SLC9A4: variants seen among roughly 807,000 people sequenced by gnomAD.
The protein encoded by SLC9A4 is solute carrier family 9 member A4.
In SLC9A4, 63 loss-of-function variants were observed where a neutral mutation model predicts 67.4. The ratio of observed to expected loss-of-function variants is 0.93; its 90% CI spans 0.76 to 1.15. SLC9A4 has a LOEUF of 1.15. Among genes scored for constraint, SLC9A4 ranks in the 50% most tolerant of loss-of-function variants. The pLI is 0.00. For missense variants in SLC9A4, 1,089 were observed against 987.7 expected (o/e 1.10, Z -1.38); for synonymous variants, 393 against 367.2 (o/e 1.07, Z -0.80).
intron 2 of SLC9A4, among the ~76,000 whole-genome samples, chr2:102,499,691 C>T (rs6543156): frequency 0.061 from 9,303 of 152,216 alleles, 892 homozygotes; most frequent in African/African-American, 0.2. Context: ...AGAAAATACA[C>T]TAGAAACTTA....
At chr2:102,479,459 C>T (rs985728555) in intron 2 of SLC9A4, among the ~76,000 whole-genome samples, 157 bp downstream of exon 2, 1 of 152,198 alleles carries the variant, frequency 6.6e-6, no homozygotes, top group African/African-American at 2.4e-5. Flanking sequence ...TGGTGAATTT[C>T]CTTGGGATCT....
intron 2 of SLC9A4, among the ~76,000 whole-genome samples, chr2:102,499,307 T>TTGAC (rs1553412654): frequency 6.6e-6 from 1 of 151,804 alleles, no homozygotes; most frequent in African/African-American, 2.4e-5. Context: ...GATAGATAGA[T>TTGAC]AGATAGATAG....
rs201974763 is a variant in SLC9A4, at chr2:102,525,162, T to G, written c.1950+7T>G. On this transcript the variant is annotated splice_region_variant and intron_variant, in intron 10 of 11. Coordinates refer to ENST00000295269, the MANE Select transcript of SLC9A4 (RefSeq NM_001011552.4). Reference sequence around the variant, plus strand: ...CCTGCCCTGGGGAAAGCCGGTACATTGGGGCTGGGGACTGGGACATTCCTT... The same window carrying G: ...CCTGCCCTGGGGAAAGCCGGTACATGGGGGCTGGGGACTGGGACATTCCTT... 33 of 1,613,816 alleles carry G rather than the reference T, an allele frequency of 2.0e-5. No homozygotes were observed. The East Asian group carries it at 7.4e-4, about 36-fold the overall frequency.
rs1674639675 is a variant in SLC9A4, at chr2:102,525,301, G to A, written c.1950+146G>A. 2.3e-6 allele frequency: 3 copies of A among 1,330,772 alleles called. No individual in the cohort carries two copies. In the East Asian group the frequency reaches 7.4e-5, roughly 33 times the overall value. The allele number at this position is 1,330,772 out of a possible 1,614,324, so 82.4% of individuals were successfully genotyped here. A position where few individuals can be genotyped will look rare whatever the true frequency, so the allele number is the denominator to read the frequency against. ...ACCTTGTTACCTGAGAGATACTAAA[G>A]CAAGAGTGCAGGACACCAGAGCAAC... On this transcript the variant is annotated intron_variant, in intron 10 of 11. Coordinates refer to ENST00000295269, the MANE Select transcript of SLC9A4 (RefSeq NM_001011552.4).
intron 2 of SLC9A4, among the ~76,000 whole-genome samples, chr2:102,482,752 C>G (rs1321791425): frequency 6.6e-6 from 1 of 152,200 alleles, no homozygotes; most frequent in African/African-American, 2.4e-5. Context: ...CATTCTGAAG[C>G]AATTATTCAA....
At chr2:102,490,845 A>G (rs1459436347) in intron 2 of SLC9A4, among the ~76,000 whole-genome samples, 1 of 152,192 alleles carries the variant, frequency 6.6e-6, no homozygotes, top group Non-Finnish European at 1.5e-5. Context: ...TTTATTTCTT[A>G]CTTGTACTAC....
intron 2 of SLC9A4, among the ~76,000 whole-genome samples, chr2:102,489,064 C>T (rs1684647065): frequency 6.6e-6 from 1 of 152,232 alleles, no homozygotes; most frequent in South Asian, 2.1e-4. Context: ...GAGTTTAAAT[C>T]TATCAGTTAC....
chr2:102,499,004 A>G (rs977588305), intron 2 of SLC9A4, among the ~76,000 whole-genome samples: 4 of 152,234 alleles, frequency 2.6e-5, no homozygotes, highest in African/African-American at 7.2e-5. Context: ...GTCGCAGTGC[A>G]GAGTGATTCC....
intron 6 of SLC9A4, among the ~76,000 whole-genome samples, chr2:102,511,538 A>G (rs1685162859): frequency 6.6e-6 from 1 of 152,026 alleles, no homozygotes; most frequent in Non-Finnish European, 1.5e-5. Flanking sequence ...AAGCCAGTAT[A>G]GACTTCAATA....
intron 6 of SLC9A4, among the ~76,000 whole-genome samples, chr2:102,510,390 T>C (rs1426570473): frequency 6.6e-6 from 1 of 152,158 alleles, no homozygotes; most frequent in East Asian, 1.9e-4. Flanking sequence ...GGACAGGCCA[T>C]CCAGAAGAGC....
intron 9 of SLC9A4, among the ~76,000 whole-genome samples, chr2:102,520,710 T>C (rs1298127917): frequency 6.6e-6 from 1 of 152,206 alleles, no homozygotes; most frequent in Non-Finnish European, 1.5e-5. Context: ...ATAGTCTTAA[T>C]GAAACTAAAA....
chr2:102,489,704 C>A (rs1684658728), intron 2 of SLC9A4, among the ~76,000 whole-genome samples: 1 of 152,210 alleles, frequency 6.6e-6, no homozygotes, highest in Non-Finnish European at 1.5e-5. Context: ...GAGATCTCAA[C>A]CCCATGAACA....
intron 2 of SLC9A4, among the ~76,000 whole-genome samples, chr2:102,483,339 G>GCCGTCCAGTTGTATTTTGAGCT: frequency 6.6e-6 from 1 of 152,138 alleles, no homozygotes; most frequent in Non-Finnish European, 1.5e-5. Context: ...GGTACTTGCT[G>GCCGTCCAGTTGTATTTTGAGCT]CCGTCCAGTT....
rs11890691 is a variant in SLC9A4, at chr2:102,499,307, T to C, written c.721-4141T>C. ...ATATATAGATGGATAGATAGATAGA[T>C]AGATAGATAGAATTAGAAAATACAT... On this transcript the variant is annotated intron_variant, in intron 2 of 11. Coordinates refer to ENST00000295269, the MANE Select transcript of SLC9A4 (RefSeq NM_001011552.4). Among the ~76,000 whole-genome samples, 32 of 151,916 alleles carry C rather than the reference T, an allele frequency of 2.1e-4. 1 individual carries two copies. The South Asian group carries it at 2.7e-3, about 13-fold the overall frequency.
intron 4 of SLC9A4, among the ~76,000 whole-genome samples, chr2:102,507,390 T>C (rs1685071703): frequency 6.6e-6 from 1 of 152,202 alleles, no homozygotes; most frequent in African/African-American, 2.4e-5. Flanking sequence ...ACCACTGCAT[T>C]GGTGGTACCT....
chr2:102,503,337 G>A, intron 2 of SLC9A4, 111 bp from the exon 3 acceptor site: 1 of 1,012,412 alleles, frequency 9.9e-7, no homozygotes, highest in Non-Finnish European at 1.4e-6. Flanking sequence ...TTTTTGTTGT[G>A]TAATTTATTT....
chr2:102,485,614 C>A (rs138457114), intron 2 of SLC9A4, among the ~76,000 whole-genome samples: 1 of 152,300 alleles, frequency 6.6e-6, no homozygotes, highest in Non-Finnish European at 1.5e-5. Flanking sequence ...TAGAATGGAG[C>A]ATTGCGGAGG....
At chr2:102,514,995 G>A (rs1685246934) in intron 8 of SLC9A4, among the ~76,000 whole-genome samples, 1 of 152,148 alleles carries the variant, frequency 6.6e-6, no homozygotes, top group South Asian at 2.1e-4. Flanking sequence ...ACTTCTTAAA[G>A]CTGTTTTAAC....
intron 2 of SLC9A4, among the ~76,000 whole-genome samples, chr2:102,483,982 TA>T (rs1264071949): frequency 6.6e-6 from 1 of 151,346 alleles, no homozygotes; most frequent in African/African-American, 2.4e-5. Flanking sequence ...TTTTTTATTT[TA>T]AAAAAAGAAT....
Sources: allele counts gnomAD v4.1 joint callset (sites outside exome capture counted in the v4.1 genomes callset), GRCh38; gene constraint gnomAD v4.1.1; transcripts MANE v1.5; gene names NCBI Gene and HGNC (gene_info 2026-07-23, HGNC 2026-07-21).